The following OLFM3 variants were observed in gnomAD, a reference collection of about 807,000 sequenced individuals.
OLFM3 encodes the protein olfactomedin 3.
Under a neutral mutation model 48.6 loss-of-function variants are expected in OLFM3, and 20 were observed. That is an observed-to-expected ratio of 0.41 (90% CI 0.29 to 0.60). OLFM3 has a LOEUF of 0.60. Ranked by LOEUF, OLFM3 falls within the 20% of genes least tolerant of loss-of-function variation. The probability of loss-of-function intolerance (pLI) is 0.28; values close to 1 mark genes in which losing one functional copy is unlikely to be tolerated. For synonymous variants in OLFM3, 222 were observed against 198.1 expected (o/e 1.12, Z -1.01); for missense variants, 437 against 544.3 (o/e 0.80, Z 1.96).
chr1:101,983,829 T>G (rs1048733776), intron 1 of OLFM3, among the ~76,000 whole-genome samples: 1 of 152,274 alleles, frequency 6.6e-6, no homozygotes, highest in African/African-American at 2.4e-5. Flanking sequence ...TTGTCTGTTC[T>G]ATATGAAATA....
intron 1 of OLFM3, among the ~76,000 whole-genome samples, chr1:101,887,363 A>G (rs2100999573): frequency 6.6e-6 from 1 of 152,162 alleles, no homozygotes; most frequent in East Asian, 1.9e-4. Context: ...AGATATTTAT[A>G]ATAAAATGGC....
chr1:101,808,026 G>A (rs1653862150), intron 4 of OLFM3, among the ~76,000 whole-genome samples: 1 of 151,714 alleles, frequency 6.6e-6, no homozygotes, highest in African/African-American at 2.4e-5. Context: ...TTTTAATAAT[G>A]TCCTATATAC....
chr1:101,911,642 T>C (rs1389892546), intron 1 of OLFM3, among the ~76,000 whole-genome samples: 2 of 152,304 alleles, frequency 1.3e-5, no homozygotes, highest in African/African-American at 2.4e-5. Context: ...GAGACAGCAA[T>C]GAGCTTTACA....
At chr1:101,805,378 A>G (rs1453906565) in intron 5 of OLFM3, among the ~76,000 whole-genome samples, 1 of 151,836 alleles carries the variant, frequency 6.6e-6, no homozygotes, top group Non-Finnish European at 1.5e-5. Context: ...TTCTAGAAAC[A>G]CTTGTTTATT....
At chr1:101,884,204 T>C (rs1657651943) in intron 1 of OLFM3, among the ~76,000 whole-genome samples, 2 of 151,966 alleles carry the variant, frequency 1.3e-5, no homozygotes, top group South Asian at 2.1e-4. Context: ...TTTTTTCATG[T>C]TTAATATGTT....
rs3079176 is a variant in OLFM3, at chr1:101,836,594, C to CTT, written c.216+283_216+284dup. 7.5e-3 allele frequency among the ~76,000 whole-genome samples: 1,094 copies of CTT among 146,392 alleles called. 23 individuals carry two copies. Among genetic ancestry groups the CTT allele is most frequent in the East Asian group, 0.036 (183 of 5,026 alleles). Reference sequence around the variant, plus strand: ...GAATTTTTGGCATCAGAATAAGATGCTTTTTTTTTTTCCTTAATGAGATAT... The same window carrying CTT: ...GAATTTTTGGCATCAGAATAAGATGCTTTTTTTTTTTTTCCTTAATGAGATAT... On this transcript the variant is annotated intron_variant, in intron 2 of 5. Coordinates refer to ENST00000370103, the MANE Select transcript of OLFM3 (RefSeq NM_058170.4).
At chr1:101,964,436 T>C (rs868539416) in intron 1 of OLFM3, among the ~76,000 whole-genome samples, 4 of 152,268 alleles carry the variant, frequency 2.6e-5, no homozygotes, top group South Asian at 2.1e-4. Context: ...ATAGAATATG[T>C]TTTTGCAAAT....
chr1:101,960,373 G>A (rs961304199), intron 1 of OLFM3, among the ~76,000 whole-genome samples: 1 of 152,186 alleles, frequency 6.6e-6, no homozygotes, highest in Non-Finnish European at 1.5e-5. Flanking sequence ...CGGGAGCTTA[G>A]AGCAAGGCAG....
intron 1 of OLFM3, among the ~76,000 whole-genome samples, chr1:101,843,355 T>C (rs548094860): frequency 6.6e-6 from 1 of 152,268 alleles, no homozygotes; most frequent in East Asian, 1.9e-4. Flanking sequence ...CTTCCTGGTG[T>C]GAAGCCCACA....
intron 1 of OLFM3, among the ~76,000 whole-genome samples, chr1:101,980,065 A>G (rs562125501): frequency 6.6e-6 from 1 of 152,214 alleles, no homozygotes; most frequent in East Asian, 1.9e-4. Context: ...GTTTGGGCCA[A>G]TTTTTCCCAT....
chr1:101,894,837 C>T (rs116227540), intron 1 of OLFM3, among the ~76,000 whole-genome samples: 146 of 152,202 alleles, frequency 9.6e-4, no homozygotes, highest in African/African-American at 3.4e-3. Context: ...ATGGAAAGGA[C>T]AGGTTCCTTC....
intron 1 of OLFM3, among the ~76,000 whole-genome samples, chr1:101,958,422 T>C (rs1660363769): frequency 6.6e-6 from 1 of 152,066 alleles, no homozygotes; most frequent in Non-Finnish European, 1.5e-5. Context: ...GGCTCAGAAA[T>C]GTCTAATGCT....
chr1:101,916,088 T>C (rs1478753391), intron 1 of OLFM3, among the ~76,000 whole-genome samples: 5 of 152,196 alleles, frequency 3.3e-5, no homozygotes, highest in African/African-American at 1.2e-4. Flanking sequence ...GGAATCTTTG[T>C]AATTTAAAAA....
At position 101,951,854 on chromosome 1, in the gene OLFM3, C is replaced by A. The variant is rs528020684; in HGVS notation, c.69+44894G>T. Among the ~76,000 whole-genome samples the A allele has an allele frequency of 2.6e-5, 4 of 152,054 alleles. No homozygotes were observed. In the East Asian group the frequency reaches 7.7e-4, roughly 29 times the overall value. On this transcript the variant is annotated intron_variant, in intron 1 of 5. Transcript: ENST00000370103. ...TTTGTTTCAAATAATGAAAGGATTGCCACTGCTGAAACAAATATTGAATTT... is the reference window on the plus strand; with the variant it reads ...TTTGTTTCAAATAATGAAAGGATTGACACTGCTGAAACAAATATTGAATTT...
chr1:101,825,041 A>T lies in OLFM3; in HGVS notation c.577T>A (p.Cys193Ser). ...TCATACTCACTTAGCTTTTTCATGC[A>T]GTCACGAAGTCTTGTTTCCAAGCTC... ...VLSLETRLRD[C>S]MKKLTCGKLM... Residue 193 changes from cysteine to serine, a missense_variant, in exon 4 of 6, where the codon TGC becomes AGC. Physicochemically the swap from Cys to Ser is moderately radical, Grantham distance 112. Coordinates refer to ENST00000370103, the MANE Select transcript of OLFM3 (RefSeq NM_058170.4). The T allele has an allele frequency of 1.2e-6, 2 of 1,613,930 alleles. No homozygotes were observed. The highest frequency in any genetic ancestry group is 1.7e-6 in the Non-Finnish European group (2 of 1,179,850).
intron 1 of OLFM3, among the ~76,000 whole-genome samples, chr1:101,932,362 G>A (rs1427981555): frequency 6.6e-6 from 1 of 152,170 alleles, no homozygotes; most frequent in Non-Finnish European, 1.5e-5. Flanking sequence ...AGGAGAAATA[G>A]CTCCTACCAA....
intron 1 of OLFM3, among the ~76,000 whole-genome samples, chr1:101,957,956 G>C (rs577719987): frequency 1.3e-5 from 2 of 152,180 alleles, no homozygotes; most frequent in African/African-American, 4.8e-5. Context: ...CAAAATGTGA[G>C]TGCACAGCAG....
intron 1 of OLFM3, among the ~76,000 whole-genome samples, chr1:101,941,116 C>A (rs74107161): frequency 6.6e-6 from 1 of 152,048 alleles, no homozygotes; most frequent in African/African-American, 2.4e-5. Context: ...CAGAAAAGTG[C>A]GAAGTGTGAT....
intron 4 of OLFM3, among the ~76,000 whole-genome samples, chr1:101,823,785 G>A (rs1177348976): frequency 6.6e-6 from 1 of 152,026 alleles, no homozygotes; most frequent in African/African-American, 2.4e-5. Flanking sequence ...AATGTAGACT[G>A]TGTTTGAGGA....
Sources: gnomAD v4.1 joint callset for allele counts (sites outside exome capture counted in the v4.1 genomes callset) on GRCh38, gnomAD v4.1.1 for gene constraint, MANE v1.5 for transcripts, NCBI Gene and HGNC (gene_info 2026-07-23, HGNC 2026-07-21) for gene names.